Variants in FAM162B observed in about 807,000 individuals in gnomAD.
The protein encoded by FAM162B is family with sequence similarity 162 member B.
FAM162B carries 16 observed loss-of-function variants against 20.0 expected under a neutral mutation model. That is an observed-to-expected ratio of 0.80 (90% CI 0.54 to 1.21). FAM162B has a LOEUF of 1.21. FAM162B is among the 50% of genes most tolerant of loss of function. The pLI is 0.00. For synonymous variants in FAM162B, 83 were observed against 89.7 expected (o/e 0.93, Z 0.42); for missense variants, 260 against 227.5 (o/e 1.14, Z -0.92).
Position 116,765,432 on chromosome 6 carries a change from G to C in FAM162B, c.145C>G (p.Pro49Ala). ...TGACCTTGGGGCCCAGAATTGCTGG[G>C]GGCCCCGCCGCTGGAGTAGCAGGGG... ...GLPCYSSGGA[P>A]SNSGPQGHGE... is the part of the protein sequence containing the mutation. Residue 49 changes from proline (P) to alanine (A), a missense_variant, in exon 1 of 4, where the codon CCC (proline) becomes GCC (alanine). Pro to Ala is a conservative substitution (Grantham distance 27, BLOSUM62 -1). Coordinates refer to ENST00000368557, the MANE Select transcript of FAM162B (RefSeq NM_001085480.3). The C allele has an allele frequency of 6.9e-7, 1 of 1,448,082 alleles. No individual in the cohort carries two copies. Among genetic ancestry groups the C allele is most frequent in the Non-Finnish European group, 9.1e-7 (1 of 1,099,740 alleles). The allele number at this position is 1,448,082 out of a possible 1,614,324, so 89.7% of individuals were successfully genotyped here.
At chr6:116,764,710 G>C (rs1345288793) in intron 2 of FAM162B, among the ~76,000 whole-genome samples, 1 of 152,100 alleles carries the variant, frequency 6.6e-6, no homozygotes, top group Non-Finnish European at 1.5e-5. Context: ...CAGCCGCCCC[G>C]CAAGCCAAGA....
intron 3 of FAM162B, among the ~76,000 whole-genome samples, chr6:116,756,847 G>A (rs1780057626): frequency 6.6e-6 from 1 of 152,126 alleles, no homozygotes; most frequent in Non-Finnish European, 1.5e-5. Context: ...AAAAATTTGC[G>A]TGTCTCAGTT....
chr6:116,762,201 T>TC, intron 2 of FAM162B, 116 bp from the exon 3 acceptor site: 1 of 725,806 alleles, frequency 1.4e-6, no homozygotes, highest in Non-Finnish European at 2.2e-6. Context: ...CAAACTGCAT[T>TC]TGGTGACATT....
In FAM162B at chr6:116,756,645, G is replaced by T. The variant is rs565825492; in HGVS notation, c.391-3950C>A. Among the ~76,000 whole-genome samples, 3 of 152,268 alleles carry T rather than the reference G, an allele frequency of 2.0e-5. No homozygotes were observed. The South Asian group carries it at 6.2e-4, about 32-fold the overall frequency. ...TGCTACATGGAAATCTTTCATGAAA[G>T]AAAGAGTCAACTGATATGGCAAACT... On this transcript the variant is annotated intron_variant, in intron 3 of 3. Coordinates refer to ENST00000368557, the MANE Select transcript of FAM162B (RefSeq NM_001085480.3).
At chr6:116,761,733 T>TACACAC (rs572093016) in intron 3 of FAM162B, among the ~76,000 whole-genome samples, 1 of 139,434 alleles carries the variant, frequency 7.2e-6, no homozygotes, top group Non-Finnish European at 1.5e-5. Flanking sequence ...TACTTATATA[T>TACACAC]ACACACACAC....
rs370701030 is a variant in FAM162B, at chr6:116,753,378, T to C, written c.391-683A>G. On this transcript the variant is annotated intron_variant, in intron 3 of 3. Coordinates refer to ENST00000368557, the MANE Select transcript of FAM162B (RefSeq NM_001085480.3). ...CAAGAGGGACAGTGGTGGGACCATT[T>C]AGAAGATATTGCAATGAACCAGGCA... is the stretch of plus-strand genomic sequence containing the variant. Among the ~76,000 whole-genome samples, 4 of 152,266 alleles carry C rather than the reference T, an allele frequency of 2.6e-5. No homozygotes were observed. In the East Asian group the frequency reaches 5.8e-4, roughly 22 times the overall value.
At chr6:116,757,661 A>G (rs1780067703) in intron 3 of FAM162B, among the ~76,000 whole-genome samples, 1 of 151,038 alleles carries the variant, frequency 6.6e-6, no homozygotes, top group Non-Finnish European at 1.5e-5. Flanking sequence ...AGCCTGCAGA[A>G]TCCCTTGAGC....
Position 116,752,675 on chromosome 6 carries a change from G to T in FAM162B, c.411C>A (p.Ser137=). 1 of 1,571,248 alleles carries T rather than the reference G, an allele frequency of 6.4e-7. No homozygotes were observed. The highest frequency in any genetic ancestry group is 8.6e-7 in the Non-Finnish European group (1 of 1,157,108). ...TCTTTGCCAAGTTCCAACTTGTTAA[G>T]GATTCATGTCGTTCTACAGCCTGTG... is the stretch of plus-strand genomic sequence containing the variant. The part of the protein sequence containing the change: ...SAKRAVERHE[S]LTSWNLAKKA... Residue 137 remains serine (S), a synonymous_variant, in exon 4 of 4, where the codon TCC becomes TCA. Coordinates refer to ENST00000368557, the MANE Select transcript of FAM162B (RefSeq NM_001085480.3).
intron 3 of FAM162B, 42 bp downstream of exon 3, chr6:116,761,935 C>T (rs1310784538): frequency 2.8e-6 from 4 of 1,449,264 alleles, no homozygotes; most frequent in Admixed American, 1.8e-5. Context: ...AAAAGAGGTA[C>T]TTACCCTTTT....
chr6:116,764,160 TA>T (rs1216961699), intron 2 of FAM162B, among the ~76,000 whole-genome samples: 1 of 152,164 alleles, frequency 6.6e-6, no homozygotes, highest in Non-Finnish European at 1.5e-5. Flanking sequence ...CAATTGTTTA[TA>T]AACAATAACA....
At chr6:116,753,409 T>C (rs1227676788) in intron 3 of FAM162B, among the ~76,000 whole-genome samples, 1 of 152,090 alleles carries the variant, frequency 6.6e-6, no homozygotes, top group Non-Finnish European at 1.5e-5. Flanking sequence ...AGGCAATAGA[T>C]GTATATTGGT....
In FAM162B at chr6:116,765,476, G is replaced by C. The variant is rs1486259184; in HGVS notation, c.101C>G (p.Ala34Gly). The C allele has an allele frequency of 5.0e-6, 7 of 1,413,126 alleles. No individual in the cohort carries two copies. The highest frequency in any genetic ancestry group is 6.4e-6 in the Non-Finnish European group (7 of 1,087,808). The allele number at this position is 1,413,126 out of a possible 1,614,324, so 87.5% of individuals were successfully genotyped here. Residue 34 changes from alanine to glycine, a missense_variant, in exon 1 of 4, where the codon GCT (alanine) becomes GGT (glycine). Coordinates refer to ENST00000368557, the MANE Select transcript of FAM162B (RefSeq NM_001085480.3). ...PLEATRRPAPALPPRGLPCYS... is the reference protein window; with the variant it reads ...PLEATRRPAPGLPPRGLPCYS... ...GCAGGGGAGACCCCGGGGCGGAAGA[G>C]CCGGTGCGGGCCGTCGCGTGGCCTC...
chr6:116,752,544 C>T lies in FAM162B; in HGVS notation c.*53G>A. The T allele has an allele frequency of 1.1e-6, 1 of 931,802 alleles. No homozygotes were observed. Among genetic ancestry groups the T allele is most frequent in the Non-Finnish European group, 1.6e-6 (1 of 633,458 alleles). The allele number at this position is 931,802 out of a possible 1,614,324, so 57.7% of individuals were successfully genotyped here. ...AATATTCTATTTTTCCCATCTTCTA[C>T]TGTTGCTGATGACAGGGATGGTATT... is the stretch of plus-strand genomic sequence containing the variant. On this transcript the variant is annotated 3_prime_UTR_variant, in exon 4 of 4. Coordinates refer to ENST00000368557, the MANE Select transcript of FAM162B (RefSeq NM_001085480.3).
At chr6:116,765,276 A>C in intron 1 of FAM162B, 21 bp from the exon 2 acceptor site, 1 of 1,610,980 alleles carries the variant, frequency 6.2e-7, no homozygotes, top group Non-Finnish European at 8.5e-7. Flanking sequence ...AGCAACCCAG[A>C]TGGACGCGGG....
intron 2 of FAM162B, among the ~76,000 whole-genome samples, chr6:116,763,791 T>G (rs1771852775): frequency 6.6e-6 from 1 of 151,556 alleles, no homozygotes; most frequent in Non-Finnish European, 1.5e-5. Context: ...TTTTTTTTTT[T>G]TTACTTCTTT....
intron 3 of FAM162B, among the ~76,000 whole-genome samples, chr6:116,759,738 A>G (rs1436449295): frequency 6.6e-6 from 1 of 152,222 alleles, no homozygotes; most frequent in Non-Finnish European, 1.5e-5. Flanking sequence ...GCAGTGATCC[A>G]TAGGCCTGAC....
chr6:116,752,717 T>C (rs920321321), intron 3 of FAM162B, 22 bp from the exon 4 acceptor site: 7 of 373,786 alleles, frequency 1.9e-5, no homozygotes, highest in Non-Finnish European at 2.9e-5. Context: ...AAGAAATATA[T>C]ATATATATAT....
rs1190928475 is a variant in FAM162B, at chr6:116,752,706, G to GAA, written c.391-13_391-12dup. The GAA allele has an allele frequency of 1.1e-5, 13 of 1,184,734 alleles. No homozygotes were observed. The highest frequency in any genetic ancestry group is 1.1e-5 in the Non-Finnish European group (10 of 874,756). 73.4% of individuals were successfully genotyped at this position (1,184,734 alleles called of 1,614,324 possible). A position where few individuals can be genotyped will look rare whatever the true frequency, so the allele number is the denominator to read the frequency against. ...ATGTCGTTCTACAGCCTGTGGGGGG[G>GAA]AAGAAATATATATATATATATATAT... On this transcript the variant is annotated splice_polypyrimidine_tract_variant and intron_variant, in intron 3 of 3. Coordinates refer to ENST00000368557, the MANE Select transcript of FAM162B (RefSeq NM_001085480.3).
At chr6:116,759,352 A>G (rs1181227639) in intron 3 of FAM162B, among the ~76,000 whole-genome samples, 3 of 143,472 alleles carry the variant, frequency 2.1e-5, no homozygotes, top group Non-Finnish European at 4.5e-5. Context: ...CCCAGGCTGG[A>G]GTGCAGTGGC....
Sources: allele counts gnomAD v4.1 joint callset (sites outside exome capture counted in the v4.1 genomes callset), GRCh38; gene constraint gnomAD v4.1.1; transcripts MANE v1.5; gene names NCBI Gene and HGNC (gene_info 2026-07-23, HGNC 2026-07-21).